Variants in IMMP1L observed in about 807,000 individuals in gnomAD.
IMMP1L encodes mitochondrial inner membrane protease subunit 1.
IMMP1L carries 24 observed loss-of-function variants against 21.8 expected under a neutral mutation model. The ratio of observed to expected loss-of-function variants is 1.10; its 90% CI spans 0.80 to 1.55. The LOEUF is 1.55. IMMP1L is among the 40% of genes most tolerant of loss of function. The pLI is 0.00. For synonymous variants in IMMP1L, 46 were observed against 62.8 expected (o/e 0.73, Z 1.26); for missense variants, 195 against 200.7 (o/e 0.97, Z 0.17).
intron 4 of IMMP1L, among the ~76,000 whole-genome samples, chr11:31,446,265 C>T (rs1953515599): frequency 1.3e-5 from 2 of 152,106 alleles, no homozygotes; most frequent in South Asian, 2.1e-4. Flanking sequence ...TTCCTATTCT[C>T]GATGTTATTA....
chr11:31,444,650 C>A (rs929599451), intron 4 of IMMP1L, among the ~76,000 whole-genome samples: 1 of 148,404 alleles, frequency 6.7e-6, no homozygotes, highest in African/African-American at 2.5e-5. Context: ...AGTGCCATGG[C>A]GCGATCTTGG....
At chr11:31,478,431 T>C (rs190650614) in intron 1 of IMMP1L, among the ~76,000 whole-genome samples, 1 of 152,206 alleles carries the variant, frequency 6.6e-6, no homozygotes, top group East Asian at 1.9e-4. Context: ...GAAATTAACA[T>C]CTTGTTTGCT....
At chr11:31,495,245 T>C (rs762964860) in intron 1 of IMMP1L, among the ~76,000 whole-genome samples, 6 of 152,218 alleles carry the variant, frequency 3.9e-5, no homozygotes, top group Non-Finnish European at 7.3e-5. Flanking sequence ...CTTTCCCACA[T>C]CTTCGTGTCT....
chr11:31,443,178 C>CACGA (rs1377924594), intron 4 of IMMP1L, among the ~76,000 whole-genome samples: 11 of 152,012 alleles, frequency 7.2e-5, no homozygotes, highest in African/African-American at 2.7e-4. Flanking sequence ...ATCCTATGCA[C>CACGA]ACTATTAGAG....
chr11:31,463,210 C>A lies in IMMP1L; in HGVS notation c.67G>T (p.Ala23Ser), dbSNP rs774033800. The part of the protein sequence containing the change: ...VGYTIQYGCI[A>S]HCAFEYVGGV... ...CCAACGTATTCAAAAGCACAATGAGCTATACAGCCATATTGAATAGTATAG... is the reference window on the plus strand; with the variant it reads ...CCAACGTATTCAAAAGCACAATGAGATATACAGCCATATTGAATAGTATAG... The change falls in exon 2 of 6, where the codon GCT (alanine) becomes TCT (serine). Residue 23 changes from alanine to serine, a missense_variant. Coordinates refer to ENST00000532287, the MANE Select transcript of IMMP1L (RefSeq NM_001304274.2). The A allele has an allele frequency of 3.1e-6, 5 of 1,611,728 alleles. No homozygotes were observed. The South Asian group carries it at 5.5e-5, about 18-fold the overall frequency.
intron 1 of IMMP1L, among the ~76,000 whole-genome samples, chr11:31,489,430 C>A (rs1005325029): frequency 2.4e-4 from 37 of 152,042 alleles, no homozygotes; most frequent in African/African-American, 8.9e-4. Flanking sequence ...TATTTTCTGA[C>A]AAAATGACAC....
chr11:31,452,268 T>C (rs1953781731), intron 4 of IMMP1L: 1 of 984,066 alleles, frequency 1.0e-6, no homozygotes, highest in Non-Finnish European at 1.2e-6. Context: ...TTCATAGTTA[T>C]CCCATGGATT....
rs1252187968 is a variant in IMMP1L, at chr11:31,432,483, A to G, written c.*17T>C. On this transcript the variant is annotated 3_prime_UTR_variant, in exon 6 of 6. Coordinates refer to ENST00000532287, the MANE Select transcript of IMMP1L (RefSeq NM_001304274.2). ...ATGAAAAGGAGACAATAATCAAGTCAAAAGAATAAATGCTTACTAATCATC... is the reference window on the plus strand; with the variant it reads ...ATGAAAAGGAGACAATAATCAAGTCGAAAGAATAAATGCTTACTAATCATC... The G allele has an allele frequency of 6.3e-7, 1 of 1,586,874 alleles. No individual in the cohort carries two copies. Among genetic ancestry groups the G allele is most frequent in the Non-Finnish European group, 8.6e-7 (1 of 1,156,788 alleles).
chr11:31,450,853 A>G (rs1190413689), intron 4 of IMMP1L, among the ~76,000 whole-genome samples: 1 of 152,198 alleles, frequency 6.6e-6, no homozygotes, highest in Non-Finnish European at 1.5e-5. Context: ...TCCACCCTTC[A>G]AGAATTTTAA....
intron 4 of IMMP1L, among the ~76,000 whole-genome samples, chr11:31,434,322 A>G (rs900630972): frequency 1.3e-5 from 2 of 152,188 alleles, no homozygotes; most frequent in African/African-American, 4.8e-5. Flanking sequence ...TTAGAACAGA[A>G]TACATTGTTT....
intron 1 of IMMP1L, among the ~76,000 whole-genome samples, chr11:31,472,789 T>G (rs1340624169): frequency 2.0e-5 from 3 of 152,334 alleles, no homozygotes; most frequent in African/African-American, 7.2e-5. Context: ...AGCCTCTTCA[T>G]TACTTTACAT....
At chr11:31,480,749 A>G (rs1954868876) in intron 1 of IMMP1L, among the ~76,000 whole-genome samples, 1 of 152,086 alleles carries the variant, frequency 6.6e-6, no homozygotes, top group South Asian at 2.1e-4. Context: ...TCACATAGAC[A>G]TTACACATAC....
chr11:31,494,747 G>A (rs1329392204), intron 1 of IMMP1L, among the ~76,000 whole-genome samples: 1 of 151,718 alleles, frequency 6.6e-6, no homozygotes, highest in African/African-American at 2.4e-5. Flanking sequence ...ATTTACTTAC[G>A]CCATTCTCCT....
chr11:31,479,789 A>G (rs1010685764), intron 1 of IMMP1L, among the ~76,000 whole-genome samples: 2 of 152,060 alleles, frequency 1.3e-5, no homozygotes, highest in African/African-American at 4.8e-5. Context: ...ATATTTTCCT[A>G]TGTTCCTAAG....
chr11:31,433,156 C>A (rs1216498922), intron 5 of IMMP1L, among the ~76,000 whole-genome samples: 2 of 152,106 alleles, frequency 1.3e-5, no homozygotes, highest in East Asian at 3.8e-4. Flanking sequence ...AAAATATGCC[C>A]TGGGCAGGAT....
intron 1 of IMMP1L, among the ~76,000 whole-genome samples, chr11:31,505,093 A>C (rs17634367): frequency 3.9e-5 from 6 of 152,090 alleles, no homozygotes; most frequent in African/African-American, 1.2e-4. Flanking sequence ...CACAGACACA[A>C]CAGTGATATG....
chr11:31,436,807 C>A (rs1475020944), intron 4 of IMMP1L, among the ~76,000 whole-genome samples: 1 of 152,078 alleles, frequency 6.6e-6, no homozygotes, highest in African/African-American at 2.4e-5. Flanking sequence ...TGACCAGGAG[C>A]CTTTCATTTG....
chr11:31,440,214 C>T (rs927587516), intron 4 of IMMP1L, among the ~76,000 whole-genome samples: 2 of 152,070 alleles, frequency 1.3e-5, no homozygotes, highest in African/African-American at 4.8e-5. Context: ...CAAGTACAGG[C>T]TTATTTTGTT....
At chr11:31,471,314 C>T (rs972922497) in intron 1 of IMMP1L, among the ~76,000 whole-genome samples, 2 of 152,056 alleles carry the variant, frequency 1.3e-5, no homozygotes, top group African/African-American at 2.4e-5. Flanking sequence ...GGTGTTAACC[C>T]GAGGATCTTT....
Sources: gnomAD v4.1 joint callset for allele counts (sites outside exome capture counted in the v4.1 genomes callset) on GRCh38, gnomAD v4.1.1 for gene constraint, MANE v1.5 for transcripts, NCBI Gene and HGNC (gene_info 2026-07-23, HGNC 2026-07-21) for gene names.